The following BCL7B variants were observed in gnomAD, a reference collection of about 807,000 sequenced individuals.
The protein encoded by BCL7B is B-cell CLL/lymphoma 7 protein family member B.
BCL7B carries 11 observed loss-of-function variants against 26.5 expected under a neutral mutation model. The observed-to-expected ratio is 0.42, with a 90% CI of 0.26 to 0.69. The LOEUF is 0.69. Among genes scored for constraint, BCL7B ranks in the 30% least tolerant of loss-of-function variants. The pLI, the probability that BCL7B is intolerant of heterozygous loss-of-function variation, is 0.28. For missense variants in BCL7B, 215 were observed against 264.4 expected (o/e 0.81, Z 1.30); for synonymous variants, 111 against 107.9 (o/e 1.03, Z -0.18).
intron 1 of BCL7B, 136 bp from the exon 2 acceptor site, chr7:73,552,378 T>C (rs1792207366): frequency 5.5e-6 from 4 of 724,102 alleles, no homozygotes; most frequent in Non-Finnish European, 9.5e-6. Flanking sequence ...TGGGGTATGG[T>C]AGCTCACACC....
chr7:73,538,778 A>C (rs1375830714), intron 4 of BCL7B, among the ~76,000 whole-genome samples: 2 of 149,664 alleles, frequency 1.3e-5, no homozygotes, highest in East Asian at 3.9e-4. Flanking sequence ...CAGCCACTGC[A>C]TTCTAGCCTG....
chr7:73,539,425 T>A (rs1791667891), intron 4 of BCL7B, among the ~76,000 whole-genome samples: 2 of 151,972 alleles, frequency 1.3e-5, no homozygotes, highest in Admixed American at 1.3e-4. Context: ...CTAAATTTTT[T>A]ATGTTTTTAG....
chr7:73,545,437 T>G (rs1791916840), intron 2 of BCL7B, among the ~76,000 whole-genome samples: 1 of 151,976 alleles, frequency 6.6e-6, no homozygotes, highest in East Asian at 1.9e-4. Context: ...ATGGTCTCGA[T>G]CTCCTGGCTC....
chr7:73,547,438 G>A (rs562661469), intron 2 of BCL7B, among the ~76,000 whole-genome samples: 3 of 152,196 alleles, frequency 2.0e-5, no homozygotes, highest in Non-Finnish European at 2.9e-5. Flanking sequence ...ACTCCAGCAT[G>A]AGCTATGGAG....
chr7:73,551,651 G>A (rs980058078), intron 2 of BCL7B, among the ~76,000 whole-genome samples: 1 of 152,130 alleles, frequency 6.6e-6, no homozygotes, highest in Admixed American at 6.6e-5. Context: ...GAATACGCCA[G>A]GGCTGTAGTT....
chr7:73,539,992 G>A lies in BCL7B; in HGVS notation c.326C>T (p.Thr109Ile). The A allele has an allele frequency of 6.2e-7, 1 of 1,614,088 alleles. No individual in the cohort carries two copies. Among genetic ancestry groups the A allele is most frequent in the Admixed American group, 1.7e-5 (1 of 59,984 alleles). ...DVYQLKVDSS[T>I]NSSPSPQQSE... ...CTGCTGGGGGCTGGGGCTTGAGTTG[G>A]TGCTGCTGTCCACCTTAAGCTGATA... Residue 109 changes from threonine to isoleucine, a missense_variant, in exon 4 of 6, where the codon ACC becomes ATC. Physicochemically the swap from Thr to Ile is moderately conservative, Grantham distance 89. Coordinates refer to ENST00000223368, the MANE Select transcript of BCL7B (RefSeq NM_001707.4).
In BCL7B at chr7:73,557,552, C is replaced by T. The variant is rs1554584918; in HGVS notation, c.27G>A (p.Glu9=). 4 of 1,426,814 alleles carry T rather than the reference C, an allele frequency of 2.8e-6. No homozygotes were observed. The South Asian group carries it at 4.4e-5, about 16-fold the overall frequency. 88.4% of individuals were successfully genotyped at this position (1,426,814 alleles called of 1,614,324 possible). ...TGTCGTCCTTGGCCCGGCTGCGGGT[C>T]TCCGCCCGGACCGACCGGCCCGACA... MSGRSVRA[E]TRSRAKDDIK... Residue 9 remains glutamate, a synonymous_variant, in exon 1 of 6, where the codon GAG becomes GAA. Transcript: ENST00000223368.
At chr7:73,541,808 G>A (rs1324918612) in intron 3 of BCL7B, among the ~76,000 whole-genome samples, 1 of 152,136 alleles carries the variant, frequency 6.6e-6, no homozygotes, top group East Asian at 1.9e-4. Context: ...TGGCCTTATC[G>A]CAACATAGGA....
chr7:73,547,745 CAG>C (rs2115787880), intron 2 of BCL7B, among the ~76,000 whole-genome samples: 1 of 152,298 alleles, frequency 6.6e-6, no homozygotes, highest in South Asian at 2.1e-4. Flanking sequence ...GTTTTCCCCA[CAG>C]AAGCTCTCTT....
chr7:73,545,003 G>A (rs1356942901), intron 2 of BCL7B, among the ~76,000 whole-genome samples: 1 of 151,704 alleles, frequency 6.6e-6, no homozygotes, highest in African/African-American at 2.4e-5. Context: ...AGGCTGCAGT[G>A]AGCTATGACT....
At chr7:73,555,933 C>CT (rs1554584664) in intron 1 of BCL7B, among the ~76,000 whole-genome samples, 1 of 152,100 alleles carries the variant, frequency 6.6e-6, no homozygotes, top group African/African-American at 2.4e-5. Context: ...AATAAAATCA[C>CT]TCAGTGCAAA....
At chr7:73,537,846 G>T in intron 5 of BCL7B, 88 bp downstream of exon 5, 1 of 892,624 alleles carries the variant, frequency 1.1e-6, no homozygotes, top group Non-Finnish European at 1.7e-6. Flanking sequence ...AGCCAGGATC[G>T]CACCACTGCA....
intron 2 of BCL7B, among the ~76,000 whole-genome samples, chr7:73,545,424 A>C (rs1416689381): frequency 6.6e-6 from 1 of 152,046 alleles, no homozygotes; most frequent in South Asian, 2.1e-4. Context: ...CATGTTAGCC[A>C]GGATGGTCTC....
At chr7:73,549,752 C>G (rs1371890373) in intron 2 of BCL7B, among the ~76,000 whole-genome samples, 1 of 152,184 alleles carries the variant, frequency 6.6e-6, no homozygotes, top group African/African-American at 2.4e-5. Flanking sequence ...ATTGCTTGAG[C>G]CTGGGAGGTC....
Position 73,537,928 on chromosome 7 carries a change from G to T in BCL7B, c.516+6C>A, listed in dbSNP as rs782299638. On this transcript the variant is annotated splice_donor_region_variant and intron_variant, in intron 5 of 5. Transcript: ENST00000223368. ...AAAAACTGGAAAACTCAAAGTGATT[G>T]CTTACCTGTGTCTCTAGTGGAACTG... The T allele has an allele frequency of 2.2e-5, 34 of 1,575,260 alleles. No homozygotes were observed. The highest frequency in any genetic ancestry group is 2.7e-5 in the Non-Finnish European group (32 of 1,164,196).
At chr7:73,540,816 C>T (rs1432540475) in intron 3 of BCL7B, among the ~76,000 whole-genome samples, 3 of 101,034 alleles carry the variant, frequency 3.0e-5, no homozygotes, top group African/African-American at 4.0e-5. Flanking sequence ...AGCAACAGAG[C>T]GAGACTCTGT....
intron 3 of BCL7B, among the ~76,000 whole-genome samples, chr7:73,541,641 A>G (rs1554582893): frequency 6.6e-6 from 1 of 151,476 alleles, no homozygotes; most frequent in Non-Finnish European, 1.5e-5. Flanking sequence ...GTAATTTTGT[A>G]TTTTTATTAG....
intron 3 of BCL7B, chr7:73,542,765 G>T (rs1198456793): frequency 7.9e-5 from 24 of 303,424 alleles, no homozygotes; most frequent in Non-Finnish European, 1.5e-4. Context: ...GCTTTGGGTA[G>T]CCTACTCTAA....
chr7:73,543,631 T>C lies in BCL7B; in HGVS notation c.182A>G (p.Lys61Arg). 6.2e-7 allele frequency: 1 copy of C among 1,613,354 alleles called. No homozygotes were observed. The highest frequency in any genetic ancestry group is 8.5e-7 in the Non-Finnish European group (1 of 1,179,710). ...VTDSKEKEKSKSNSSAAREPN... is the reference protein window; with the variant it reads ...VTDSKEKEKSRSNSSAAREPN... The stretch of plus-strand genomic sequence containing the variant: ...TTCTCGGGCTGCTGAACTGTTCGAT[T>C]TTGACTTTTCTTTCTAGAAAAGGAA... The change falls in exon 3 of 6, where the codon AAA becomes AGA. Residue 61 changes from lysine to arginine, a missense_variant. Coordinates refer to ENST00000223368, the MANE Select transcript of BCL7B (RefSeq NM_001707.4).
Sources: allele counts gnomAD v4.1 joint callset (sites outside exome capture counted in the v4.1 genomes callset), GRCh38; gene constraint gnomAD v4.1.1; transcripts MANE v1.5; gene names NCBI Gene and HGNC (gene_info 2026-07-23, HGNC 2026-07-21).